Variants in TES observed in about 807,000 individuals in gnomAD.
TES encodes the protein testin LIM domain protein.
A neutral mutation model predicts 48.2 loss-of-function variants in TES; 41 were observed. That is an observed-to-expected ratio of 0.85 (90% CI 0.66 to 1.10). The LOEUF (loss-of-function observed/expected upper bound fraction) is 1.10. Ranked by LOEUF, TES falls within the 50% of genes least tolerant of loss-of-function variation. TES has a pLI of 0.00. For synonymous variants in TES, 162 were observed against 174.9 expected (o/e 0.93, Z 0.58); for missense variants, 463 against 515.1 (o/e 0.90, Z 0.98).
chr7:116,246,661 T>C (rs1430719851), intron 2 of TES, among the ~76,000 whole-genome samples: 4 of 152,194 alleles, frequency 2.6e-5, no homozygotes, highest in Non-Finnish European at 5.9e-5. Flanking sequence ...TATTCCTCTT[T>C]ATACCCAATA....
intron 1 of TES, among the ~76,000 whole-genome samples, chr7:116,229,672 T>G (rs1490308819): frequency 6.6e-6 from 1 of 152,190 alleles, no homozygotes; most frequent in Non-Finnish European, 1.5e-5. Flanking sequence ...ATTTGACTTA[T>G]GAAGGGGAGA....
chr7:116,243,477 T>C (rs537551236), intron 2 of TES, among the ~76,000 whole-genome samples: 1 of 152,320 alleles, frequency 6.6e-6, no homozygotes, highest in Non-Finnish European at 1.5e-5. Context: ...GATGATCTCT[T>C]TAACTCATAT....
intron 1 of TES, chr7:116,211,479 C>T (rs1799438482): frequency 6.6e-6 from 1 of 152,266 alleles, no homozygotes. Flanking sequence ...CTACCTGAGC[C>T]ACTCCCGGGT....
chr7:116,256,436 T>C (rs199862358), intron 6 of TES, among the ~76,000 whole-genome samples: 1 of 152,244 alleles, frequency 6.6e-6, no homozygotes, highest in Non-Finnish European at 1.5e-5. Flanking sequence ...ACAAAAACTT[T>C]AAGACAGCCA....
intron 2 of TES, among the ~76,000 whole-genome samples, chr7:116,235,985 C>A (rs1231972758): frequency 6.6e-6 from 1 of 152,116 alleles, no homozygotes; most frequent in African/African-American, 2.4e-5. Context: ...TGATACAATT[C>A]TTCAGTTTTA....
intron 1 of TES, among the ~76,000 whole-genome samples, chr7:116,215,751 G>C (rs919642878): frequency 2.6e-5 from 4 of 152,068 alleles, no homozygotes; most frequent in African/African-American, 9.7e-5. Context: ...GTCTTTTCTC[G>C]TGTTGAGCTC....
In TES at chr7:116,252,477, G is replaced by A. The variant is rs1800032400; in HGVS notation, c.1077+1G>A. ...CTGCTATGTGAAGAATCACGCTGTG[G>A]TGAGAAGTGTTCTAAGGATATGGTT... is the stretch of plus-strand genomic sequence containing the variant. On this transcript the variant is annotated splice_donor_variant, in intron 6 of 6. Coordinates refer to ENST00000358204, the MANE Select transcript of TES (RefSeq NM_015641.4). LOFTEE classifies it high-confidence loss of function. 5 of 1,614,200 alleles carry A rather than the reference G, an allele frequency of 3.1e-6. No homozygotes were observed. The highest frequency in any genetic ancestry group is 3.4e-6 in the Non-Finnish European group (4 of 1,180,024).
At chr7:116,211,860 G>C (rs1799442685) in intron 1 of TES, among the ~76,000 whole-genome samples, 1 of 152,126 alleles carries the variant, frequency 6.6e-6, no homozygotes, top group Non-Finnish European at 1.5e-5. Flanking sequence ...CGGTTAGGAA[G>C]CTATTGACCA....
chr7:116,216,911 ATC>A (rs1223054821), intron 1 of TES, among the ~76,000 whole-genome samples: 2 of 152,118 alleles, frequency 1.3e-5, no homozygotes, highest in Non-Finnish European at 2.9e-5. Context: ...TTTAAAAGTT[ATC>A]TCTCTCAAAA....
intron 1 of TES, among the ~76,000 whole-genome samples, chr7:116,218,236 T>C (rs527385997): frequency 6.6e-6 from 1 of 152,276 alleles, no homozygotes; most frequent in East Asian, 1.9e-4. Flanking sequence ...TTCTGGCCAC[T>C]GTGAAAAGCT....
intron 2 of TES, among the ~76,000 whole-genome samples, chr7:116,242,228 T>C (rs1366309842): frequency 6.6e-6 from 1 of 152,182 alleles, no homozygotes; most frequent in Non-Finnish European, 1.5e-5. Context: ...CTCCACCTTC[T>C]TCCCCCCTCA....
intron 2 of TES, among the ~76,000 whole-genome samples, chr7:116,248,283 C>T (rs1378284084): frequency 6.6e-6 from 1 of 152,058 alleles, no homozygotes; most frequent in Non-Finnish European, 1.5e-5. Context: ...GATAAACATA[C>T]GGGTGCATTG....
intron 6 of TES, among the ~76,000 whole-genome samples, chr7:116,254,563 G>A (rs560342339): frequency 2.8e-4 from 42 of 152,020 alleles, no homozygotes; most frequent in Non-Finnish European, 4.6e-4. Flanking sequence ...GTGAAACCCC[G>A]TCTCTATTAA....
At chr7:116,217,337 C>T (rs1475842818) in intron 1 of TES, among the ~76,000 whole-genome samples, 1 of 152,080 alleles carries the variant, frequency 6.6e-6, no homozygotes. Context: ...ATTATGAATG[C>T]ATAAAGCTAT....
At position 116,252,337 on chromosome 7, in the gene TES, A is replaced by G. The variant is rs751990926; in HGVS notation, c.938A>G (p.Tyr313Cys). Residue 313 changes from tyrosine (Y) to cysteine (C), a missense_variant, in exon 6 of 7, where the codon TAT (tyrosine) becomes TGT (cysteine). Transcript: ENST00000358204. ...GCDELIFSNE[Y>C]TQAENQNWHL... Reference sequence around the variant, plus strand: ...TCCTAGCTGATATTCAGCAATGAGTATACCCAGGCAGAAAACCAGAATTGG... The same window carrying G: ...TCCTAGCTGATATTCAGCAATGAGTGTACCCAGGCAGAAAACCAGAATTGG... The G allele has an allele frequency of 6.2e-7, 1 of 1,613,268 alleles. No individual in the cohort carries two copies. Among genetic ancestry groups the G allele is most frequent in the South Asian group, 1.1e-5 (1 of 91,074 alleles).
chr7:116,236,258 A>G (rs758662414), intron 2 of TES, among the ~76,000 whole-genome samples: 2 of 152,210 alleles, frequency 1.3e-5, no homozygotes, highest in Non-Finnish European at 2.9e-5. Flanking sequence ...CTTATAATAC[A>G]TAAAATCCAA....
In TES at chr7:116,211,371, T is replaced by C. The variant is rs1314378533; in HGVS notation, c.27+637T>C. The C allele has an allele frequency of 1.3e-4, 20 of 152,236 alleles. 1 individual carries two copies. The highest frequency in any genetic ancestry group is 1.3e-3 in the Admixed American group (20 of 15,284). The allele number at this position is 152,236 out of a possible 1,614,324, so 9.4% of individuals were successfully genotyped here. A position where few individuals can be genotyped will look rare whatever the true frequency, so the allele number is the denominator to read the frequency against. On this transcript the variant is annotated intron_variant, in intron 1 of 6. Transcript: ENST00000358204. Reference sequence around the variant, plus strand: ...CTGTCAAAGAGCGCATTCTCCTTGTTTGGCAGGTAGTCCCAAAGGGCGGTT... The same window carrying C: ...CTGTCAAAGAGCGCATTCTCCTTGTCTGGCAGGTAGTCCCAAAGGGCGGTT...
intron 1 of TES, 102 bp from the exon 2 acceptor site, chr7:116,234,432 T>C: frequency 1.0e-6 from 1 of 995,848 alleles, no homozygotes; most frequent in Admixed American, 2.0e-5. Flanking sequence ...GTTTGAAAGT[T>C]ATCTCAACAC....
chr7:116,216,204 T>C (rs907361021), intron 1 of TES, among the ~76,000 whole-genome samples: 2 of 152,156 alleles, frequency 1.3e-5, no homozygotes, highest in Non-Finnish European at 2.9e-5. Flanking sequence ...GAATACAAGT[T>C]GGCCCCATGC....
Sources: gnomAD v4.1 joint callset for allele counts (sites outside exome capture counted in the v4.1 genomes callset) on GRCh38, gnomAD v4.1.1 for gene constraint, MANE v1.5 for transcripts, NCBI Gene and HGNC (gene_info 2026-07-23, HGNC 2026-07-21) for gene names.